LURAP1: variants seen among roughly 807,000 people sequenced by gnomAD.
LURAP1 encodes NF-kappa-B activator C1orf190.
A neutral mutation model predicts 19.0 loss-of-function variants in LURAP1; 14 were observed. The ratio of observed to expected loss-of-function variants is 0.74; its 90% CI spans 0.49 to 1.15. LURAP1 has a LOEUF of 1.15. Ranked by LOEUF, LURAP1 falls within the 50% of genes most tolerant of loss-of-function variation. LURAP1 has a pLI of 0.00. For missense variants in LURAP1, 273 were observed against 309.1 expected (o/e 0.88, Z 0.87); for synonymous variants, 129 against 131.8 (o/e 0.98, Z 0.14).
At chr1:46,216,660 C>T (rs1281795928) in intron 1 of LURAP1, among the ~76,000 whole-genome samples, 1 of 151,990 alleles carries the variant, frequency 6.6e-6, no homozygotes, top group African/African-American at 2.4e-5. Flanking sequence ...ATTTTAGATT[C>T]GGAGGGGGGT....
rs538459940 is a variant in LURAP1, at chr1:46,210,775, G to A, written c.198+7151G>A. The stretch of plus-strand genomic sequence containing the variant: ...GACGCTCTCTGAATCCTGTTGTGGG[G>A]ACCTTTTTTTATTTTTTGAGACAAG... On this transcript the variant is annotated intron_variant, in intron 1 of 1. Coordinates refer to ENST00000371980, the MANE Select transcript of LURAP1 (RefSeq NM_001013615.3). Among the ~76,000 whole-genome samples the A allele has an allele frequency of 2.0e-5, 3 of 152,102 alleles. No individual in the cohort carries two copies. The East Asian group carries it at 5.8e-4, about 29-fold the overall frequency.
In LURAP1 at chr1:46,219,958, C is replaced by T; in HGVS notation, c.458C>T (p.Pro153Leu). The change falls in exon 2 of 2, where the codon CCC (proline) becomes CTC (leucine). Residue 153 changes from proline to leucine, a missense_variant. Transcript: ENST00000371980. ...GGCAGCTTCCTGGACACAGTGGCCCCCAGCGAGCTGGATGAACAGGGCCCA... is the reference window on the plus strand; with the variant it reads ...GGCAGCTTCCTGGACACAGTGGCCCTCAGCGAGCTGGATGAACAGGGCCCA... ...SIGSFLDTVA[P>L]SELDEQGPPG... The T allele has an allele frequency of 6.2e-7, 1 of 1,614,238 alleles. No homozygotes were observed. Among genetic ancestry groups the T allele is most frequent in the Non-Finnish European group, 8.5e-7 (1 of 1,180,040 alleles).
chr1:46,204,481 C>G (rs1208125866), intron 1 of LURAP1, among the ~76,000 whole-genome samples: 1 of 152,174 alleles, frequency 6.6e-6, no homozygotes, highest in Non-Finnish European at 1.5e-5. Context: ...GAATTGCCAT[C>G]GGCTTCCTGG....
At chr1:46,210,814 G>C (rs1264991387) in intron 1 of LURAP1, among the ~76,000 whole-genome samples, 1 of 152,004 alleles carries the variant, frequency 6.6e-6, no homozygotes, top group Non-Finnish European at 1.5e-5. Flanking sequence ...TGGTTCTGTT[G>C]CCCAGGTTGG....
Position 46,203,466 on chromosome 1 carries a change from G to T in LURAP1, c.40G>T (p.Asp14Tyr). The T allele has an allele frequency of 6.6e-7, 1 of 1,510,432 alleles. No individual in the cohort carries two copies. The highest frequency in any genetic ancestry group is 8.9e-7 in the Non-Finnish European group (1 of 1,129,764). The allele number at this position is 1,510,432 out of a possible 1,614,324, so 93.6% of individuals were successfully genotyped here. The change falls in exon 1 of 2, where the codon GAT becomes TAT. Residue 14 changes from aspartate to tyrosine, a missense_variant. Physicochemically the swap from Asp to Tyr is radical, Grantham distance 160. Transcript: ENST00000371980. ...GGAGTCCCAGACGCCTGACCTGCGG[G>T]ATGTGGAGGGTAAGGTGGGCAGGAA... ...TVESQTPDLR[D>Y]VEGKVGRKTP...
chr1:46,217,127 C>T (rs376154363), intron 1 of LURAP1, among the ~76,000 whole-genome samples: 30 of 152,030 alleles, frequency 2.0e-4, no homozygotes, highest in Admixed American at 1.6e-3. Flanking sequence ...ATCTAAGAAA[C>T]GAGGGATCCA....
intron 1 of LURAP1, among the ~76,000 whole-genome samples, chr1:46,207,361 T>C (rs1658748498): frequency 6.6e-6 from 1 of 151,820 alleles, no homozygotes; most frequent in African/African-American, 2.4e-5. Flanking sequence ...ATTACAGGTG[T>C]GAGCCACTGC....
rs774933954 is a variant in LURAP1, at chr1:46,203,400, C to G, written c.-27C>G. ...GGAGCCGGTCCCCGGCGTCCGGTCG[C>G]CCAGCCCTTTTCAGGCTTGGGCCCG... On this transcript the variant is annotated 5_prime_UTR_variant, in exon 1 of 2. Transcript: ENST00000371980. The G allele has an allele frequency of 7.0e-7, 1 of 1,438,780 alleles. No individual in the cohort carries two copies. Among genetic ancestry groups the G allele is most frequent in the Non-Finnish European group, 9.1e-7 (1 of 1,093,076 alleles). The allele number at this position is 1,438,780 out of a possible 1,614,324, so 89.1% of individuals were successfully genotyped here. A position where few individuals can be genotyped will look rare whatever the true frequency, so the allele number is the denominator to read the frequency against.
Position 46,220,841 on chromosome 1 carries a change from C to T in LURAP1, c.*621C>T, listed in dbSNP as rs1343845189. 1 of 152,168 alleles carries T rather than the reference C, an allele frequency of 6.6e-6. No homozygotes were observed. The highest frequency in any genetic ancestry group is 1.5e-5 in the Non-Finnish European group (1 of 68,040). The allele number at this position is 152,168 out of a possible 1,614,324, so 9.4% of individuals were successfully genotyped here. On this transcript the variant is annotated 3_prime_UTR_variant, in exon 2 of 2. Coordinates refer to ENST00000371980, the MANE Select transcript of LURAP1 (RefSeq NM_001013615.3). ...AAGGATTTAAGGAATTTAGGACTCC[C>T]TGGAGTTAACAGATGAAGAGATGGG...
At chr1:46,213,875 A>G (rs1658980075) in intron 1 of LURAP1, among the ~76,000 whole-genome samples, 1 of 152,072 alleles carries the variant, frequency 6.6e-6, no homozygotes. Flanking sequence ...AAAAAAAGAT[A>G]CAGACTTTAG....
chr1:46,220,978 C>A lies in LURAP1; in HGVS notation c.*758C>A, dbSNP rs934643285. ...ACTAACCCTCTATGGATTGGCCCTCCCAGAAGCGTTTGGGCTGGTAGACCC... is the reference window on the plus strand; with the variant it reads ...ACTAACCCTCTATGGATTGGCCCTCACAGAAGCGTTTGGGCTGGTAGACCC... On this transcript the variant is annotated 3_prime_UTR_variant, in exon 2 of 2. Transcript: ENST00000371980. 1 of 152,198 alleles carries A rather than the reference C, an allele frequency of 6.6e-6. No individual in the cohort carries two copies. The highest frequency in any genetic ancestry group is 2.4e-5 in the African/African-American group (1 of 41,428). 9.4% of individuals were successfully genotyped at this position (152,198 alleles called of 1,614,324 possible). A position where few individuals can be genotyped will look rare whatever the true frequency, so the allele number is the denominator to read the frequency against.
At chr1:46,213,470 C>T (rs1658967839) in intron 1 of LURAP1, among the ~76,000 whole-genome samples, 1 of 151,728 alleles carries the variant, frequency 6.6e-6, no homozygotes, top group African/African-American at 2.4e-5. Flanking sequence ...CCCATTGTTA[C>T]GTGACAAATG....
intron 1 of LURAP1, among the ~76,000 whole-genome samples, chr1:46,208,429 G>C (rs1462531443): frequency 1.3e-5 from 2 of 152,146 alleles, no homozygotes; most frequent in African/African-American, 4.8e-5. Flanking sequence ...ATAAATATTG[G>C]TTCCATAACT....
At chr1:46,218,410 T>G (rs1461172217) in intron 1 of LURAP1, among the ~76,000 whole-genome samples, 1 of 152,126 alleles carries the variant, frequency 6.6e-6, no homozygotes, top group African/African-American at 2.4e-5. Context: ...AAAGTAAAAC[T>G]AAATAAAACT....
intron 1 of LURAP1, among the ~76,000 whole-genome samples, chr1:46,209,129 A>G (rs1235924193): frequency 6.6e-6 from 1 of 152,078 alleles, no homozygotes; most frequent in Non-Finnish European, 1.5e-5. Context: ...GATTCAAGCA[A>G]TTCTCCTGCC....
Position 46,220,253 on chromosome 1 carries a change from C to T in LURAP1, c.*33C>T. 7 of 1,559,474 alleles carry T rather than the reference C, an allele frequency of 4.5e-6. No homozygotes were observed. The highest frequency in any genetic ancestry group is 1.2e-5 in the South Asian group (1 of 82,394). ...TCCACCCTTTTGTAATCCTGTGGCT[C>T]TTTTATCCATTAGATGTGGTCTCCC... On this transcript the variant is annotated 3_prime_UTR_variant, in exon 2 of 2. Transcript: ENST00000371980.
At chr1:46,216,043 C>T (rs376502562) in intron 1 of LURAP1, among the ~76,000 whole-genome samples, 53 of 92,466 alleles carry the variant, frequency 5.7e-4, no homozygotes, top group East Asian at 1.1e-3. Flanking sequence ...TTTATTTTAT[C>T]TTTTTTTTTT....
At chr1:46,205,823 T>C (rs1262066007) in intron 1 of LURAP1, among the ~76,000 whole-genome samples, 2 of 152,230 alleles carry the variant, frequency 1.3e-5, no homozygotes, top group Non-Finnish European at 1.5e-5. Context: ...CCTACTGGGT[T>C]GCACCCAGGA....
In LURAP1 at chr1:46,220,165, G is replaced by A. The variant is rs1188022341; in HGVS notation, c.665G>A (p.Gly222Asp). 1 of 1,613,932 alleles carries A rather than the reference G, an allele frequency of 6.2e-7. No individual in the cohort carries two copies. Among genetic ancestry groups the A allele is most frequent in the Non-Finnish European group, 8.5e-7 (1 of 1,180,002 alleles). Residue 222 changes from glycine to aspartate, a missense_variant, in exon 2 of 2, where the codon GGC becomes GAC. Coordinates refer to ENST00000371980, the MANE Select transcript of LURAP1 (RefSeq NM_001013615.3). ...CCAGAGGATGAGAGTGCCAAGCTGG[G>A]CTTCGAGGCCCACTGGTTCTGGGAG... Reference protein sequence around the residue: ...ESPEDESAKLGFEAHWFWEQC... With the variant: ...ESPEDESAKLDFEAHWFWEQC...
Sources: allele counts gnomAD v4.1 joint callset (sites outside exome capture counted in the v4.1 genomes callset), GRCh38; gene constraint gnomAD v4.1.1; transcripts MANE v1.5; gene names NCBI Gene and HGNC (gene_info 2026-07-23, HGNC 2026-07-21).